Variants in PRKD3 observed in about 807,000 individuals in gnomAD.
The protein encoded by PRKD3 is serine/threonine-protein kinase D3.
Under a neutral mutation model 99.2 loss-of-function variants are expected in PRKD3, and 47 were observed. The observed-to-expected ratio is 0.47, with a 90% CI of 0.38 to 0.60. PRKD3 has a LOEUF of 0.60. PRKD3 is among the 20% of genes least tolerant of loss of function. The probability of loss-of-function intolerance (pLI) is 0.00; values close to 1 mark genes in which losing one functional copy is unlikely to be tolerated. For synonymous variants in PRKD3, 392 were observed against 355.4 expected, an observed-to-expected ratio of 1.10 and a Z score of -1.16; for missense variants, 1,019 against 1,088.4, an observed-to-expected ratio of 0.94 and a Z score of 0.90.
chr2:37,279,908 T>A lies in PRKD3; in HGVS notation c.1010A>T (p.Asp337Val). ...GTCAATATCCATTGGTATATCTGTA[T>A]CTGTTCCCAGACTGGAAGGTTCTGG... The part of the protein sequence containing the change: ...FNGEPSSLGT[D>V]TDIPMDIDNN... The change falls in exon 8 of 19, where the codon GAT becomes GTT. Residue 337 changes from aspartate to valine, a missense_variant. This residue lies in a region of PRKD3 where 710 missense variants were observed against 692.7 expected (regional missense o/e 1.02). Transcript: ENST00000234179. The A allele has an allele frequency of 6.2e-7, 1 of 1,608,656 alleles. No homozygotes were observed. Among genetic ancestry groups the A allele is most frequent in the Non-Finnish European group, 8.5e-7 (1 of 1,177,796 alleles).
At chr2:37,290,382 G>A (rs1160540184) in intron 4 of PRKD3, among the ~76,000 whole-genome samples, 5 of 152,020 alleles carry the variant, frequency 3.3e-5, no homozygotes, top group Non-Finnish European at 5.9e-5. Context: ...ACAGGCATCC[G>A]CCACCACGCC....
rs1054743548 is a variant in PRKD3 at position 37,250,867 on chromosome 2, TAAAGAC to T, written c.*2304_*2309del. 6.6e-6 allele frequency: 1 copy of T among 152,620 alleles called. No homozygotes were observed. Among genetic ancestry groups the T allele is most frequent in the Non-Finnish European group, 1.5e-5 (1 of 68,030 alleles). The allele number at this position is 152,620 out of a possible 1,614,324, so 9.5% of individuals were successfully genotyped here. A position where few individuals can be genotyped will look rare whatever the true frequency, so the allele number is the denominator to read the frequency against. On this transcript the variant is annotated 3_prime_UTR_variant, in exon 19 of 19. Transcript: ENST00000234179. ...AATTACTTCTTTTACAAACACGACT[TAAAGAC>T]AAAAAGTTATGCAGGTTATACAGTA...
chr2:37,299,466 C>T (rs556175926), intron 2 of PRKD3, among the ~76,000 whole-genome samples: 2 of 146,968 alleles, frequency 1.4e-5, no homozygotes, highest in Admixed American at 1.4e-4. Flanking sequence ...CTCAGGAGTT[C>T]GAGACTAGCC....
chr2:37,278,947 AAC>A (rs2148549345), intron 8 of PRKD3: 1 of 152,114 alleles, frequency 6.6e-6, no homozygotes, highest in South Asian at 2.1e-4. Flanking sequence ...AAAAAAAAAA[AAC>A]AGAAACCAAA....
chr2:37,263,929 C>T (rs1006718539), intron 14 of PRKD3, among the ~76,000 whole-genome samples: 5 of 152,156 alleles, frequency 3.3e-5, no homozygotes, highest in African/African-American at 1.2e-4. Flanking sequence ...GCTGAATTTA[C>T]ACCACAATGT....
chr2:37,284,597 C>T (rs1053210046), intron 6 of PRKD3, among the ~76,000 whole-genome samples: 1 of 152,148 alleles, frequency 6.6e-6, no homozygotes, highest in African/African-American at 2.4e-5. Context: ...CTTGCCAATA[C>T]ATTTTTAGGT....
At chr2:37,271,189 ATAACAATT>A (rs1217255304) in intron 12 of PRKD3, among the ~76,000 whole-genome samples, 1 of 152,218 alleles carries the variant, frequency 6.6e-6, no homozygotes, top group Non-Finnish European at 1.5e-5. Flanking sequence ...GAAATTATAT[ATAACAATT>A]TAACAATTTT....
chr2:37,264,117 T>C (rs1668661472), intron 14 of PRKD3, among the ~76,000 whole-genome samples: 1 of 152,182 alleles, frequency 6.6e-6, no homozygotes, highest in Non-Finnish European at 1.5e-5. Context: ...CTCCCCAATT[T>C]TTTTCCTGCT....
intron 14 of PRKD3, among the ~76,000 whole-genome samples, chr2:37,266,995 T>C (rs1668888122): frequency 6.6e-6 from 1 of 152,204 alleles, no homozygotes; most frequent in East Asian, 1.9e-4. Context: ...TCATTGCCAA[T>C]ATATCTTTAA....
chr2:37,279,628 A>G (rs112839595), intron 8 of PRKD3, 118 bp downstream of exon 8: 25 of 656,866 alleles, frequency 3.8e-5, no homozygotes, highest in East Asian at 1.3e-4. Context: ...ATTAGCCACA[A>G]TTTATTTAGA....
intron 2 of PRKD3, among the ~76,000 whole-genome samples, chr2:37,309,846 CAAAA>C (rs33959650): frequency 5.7e-4 from 56 of 98,402 alleles, no homozygotes; most frequent in Middle Eastern, 5.3e-3. Context: ...GACTCCGTCT[CAAAA>C]AAAAAAAAAA....
rs142697782 is a variant in PRKD3, at chr2:37,279,823, G to A, written c.1095C>T (p.Pro365=). The part of the protein sequence containing the change: ...RGLDDTEEPS[P]PEDKMFFLDP... ...CCAAGAAGAACATCTTATCTTCTGG[G>A]GGTGATGGCTCTTCTGTGTCATCCA... is the stretch of plus-strand genomic sequence containing the variant. Residue 365 remains proline, a synonymous_variant, in exon 8 of 19, where the codon CCC becomes CCT. Transcript: ENST00000234179. 1.4e-4 allele frequency: 228 copies of A among 1,613,618 alleles called. 2 individuals carry two copies. The highest frequency in any genetic ancestry group is 1.3e-3 in the South Asian group (118 of 91,034).
chr2:37,270,060 T>C (rs1042254920), intron 12 of PRKD3, among the ~76,000 whole-genome samples: 3 of 152,040 alleles, frequency 2.0e-5, no homozygotes, highest in Non-Finnish European at 4.4e-5. Flanking sequence ...AAACCCCATC[T>C]CTACTAAAAA....
At chr2:37,315,193 T>C (rs1489019363) in intron 2 of PRKD3, among the ~76,000 whole-genome samples, 2 of 152,040 alleles carry the variant, frequency 1.3e-5, no homozygotes, top group African/African-American at 2.4e-5. Context: ...AAAAATAAAA[T>C]ATAACCAATT....
chr2:37,257,448 G>A (rs1035626941), intron 16 of PRKD3, among the ~76,000 whole-genome samples: 1 of 151,904 alleles, frequency 6.6e-6, no homozygotes, highest in Non-Finnish European at 1.5e-5. Context: ...GGCGGATCAC[G>A]AGGTCAGGAG....
At chr2:37,301,668 G>A (rs1400951930) in intron 2 of PRKD3, among the ~76,000 whole-genome samples, 2 of 152,122 alleles carry the variant, frequency 1.3e-5, no homozygotes, top group African/African-American at 4.8e-5. Context: ...CTGTACTAAT[G>A]CTGTTGTCTC....
At chr2:37,305,944 G>A (rs565415768) in intron 2 of PRKD3, among the ~76,000 whole-genome samples, 1 of 152,250 alleles carries the variant, frequency 6.6e-6, no homozygotes, top group African/African-American at 2.4e-5. Flanking sequence ...AAAACTGAGG[G>A]TCAGAAGTAA....
chr2:37,275,740 A>C (rs927530655), intron 10 of PRKD3, 27 bp downstream of exon 10: 48 of 1,574,994 alleles, frequency 3.0e-5, no homozygotes, highest in Non-Finnish European at 4.0e-5. Context: ...CTTAATGCTT[A>C]TATTTTTTAA....
At position 37,256,654 on chromosome 2, in the gene PRKD3, T is replaced by TAAAA; in HGVS notation, c.2413+7_2413+8insTTTT. 1 of 1,377,264 alleles carries TAAAA rather than the reference T, an allele frequency of 7.3e-7. No homozygotes were observed. The highest frequency in any genetic ancestry group is 9.4e-7 in the Non-Finnish European group (1 of 1,061,436). The allele number at this position is 1,377,264 out of a possible 1,614,324, so 85.3% of individuals were successfully genotyped here. A position where few individuals can be genotyped will look rare whatever the true frequency, so the allele number is the denominator to read the frequency against. ...TTTTTTTTTTTTTTTTTTTTTTTTTTTTTTTACCTTCACCAGAAATTTCTC... is the reference window on the plus strand; with the variant it reads ...TTTTTTTTTTTTTTTTTTTTTTTTTTAAAATTTTTACCTTCACCAGAAATTTCTC... On this transcript the variant is annotated splice_region_variant and intron_variant, in intron 17 of 18. Transcript: ENST00000234179.
Sources: allele counts gnomAD v4.1 joint callset (sites outside exome capture counted in the v4.1 genomes callset), GRCh38; gene constraint gnomAD v4.1.1; regional missense constraint gnomAD v4.1.1; transcripts MANE v1.5; gene names NCBI Gene and HGNC (gene_info 2026-07-23, HGNC 2026-07-21).